ATP1B1: variants seen among roughly 807,000 people sequenced by gnomAD.
ATP1B1 encodes sodium/potassium-transporting ATPase subunit beta-1.
A neutral mutation model predicts 39.6 loss-of-function variants in ATP1B1; 3 were observed. That is an observed-to-expected ratio of 0.08 (90% confidence interval 0.03 to 0.20). The LOEUF (loss-of-function observed/expected upper bound fraction) is 0.20. Among genes scored for constraint, ATP1B1 ranks in the 10% least tolerant of loss-of-function variants. ATP1B1 has a pLI of 1.00. For missense variants in ATP1B1, 216 were observed against 371.1 expected (o/e 0.58, Z 3.43); for synonymous variants, 139 against 135.0 (o/e 1.03, Z -0.20).
chr1:169,112,846 G>A (rs1460147352), intron 2 of ATP1B1, among the ~76,000 whole-genome samples: 1 of 152,158 alleles, frequency 6.6e-6, no homozygotes, highest in African/African-American at 2.4e-5. Flanking sequence ...CACAAGAGGT[G>A]GGTCTGTGGA....
At chr1:169,115,426 G>A (rs1657822873) in intron 2 of ATP1B1, among the ~76,000 whole-genome samples, 1 of 147,818 alleles carries the variant, frequency 6.8e-6, no homozygotes, top group African/African-American at 2.5e-5. Flanking sequence ...TTGGCTCACT[G>A]CAACCTCTGC....
intron 2 of ATP1B1, among the ~76,000 whole-genome samples, chr1:169,115,252 A>G (rs537349514): frequency 6.6e-6 from 1 of 151,840 alleles, no homozygotes; most frequent in Admixed American, 6.6e-5. Flanking sequence ...AAATGAGATG[A>G]TAAACATATA....
At position 169,132,424 on chromosome 1, in the gene ATP1B1, A is replaced by AATGT; in HGVS notation, c.*870_*873dup. On this transcript the variant is annotated 3_prime_UTR_variant, in exon 6 of 6. Coordinates refer to ENST00000367815, the MANE Select transcript of ATP1B1 (RefSeq NM_001677.4). ...CACATGCTGGTGCTGTGTCTTTATG[A>AATGT]ATGTTTTAACCATTTTCATGGTGGA... The AATGT allele has an allele frequency of 2.3e-6, 1 of 436,964 alleles. No homozygotes were observed. The highest frequency in any genetic ancestry group is 4.1e-6 in the Non-Finnish European group (1 of 244,564). The allele number at this position is 436,964 out of a possible 1,614,324, so 27.1% of individuals were successfully genotyped here. A position where few individuals can be genotyped will look rare whatever the true frequency, so the allele number is the denominator to read the frequency against.
chr1:169,128,536 T>C lies in ATP1B1; in HGVS notation c.567+1128T>C, dbSNP rs138015760. 8.3e-4 allele frequency among the ~76,000 whole-genome samples: 127 copies of C among 152,286 alleles called. 1 individual carries two copies. The highest frequency in any genetic ancestry group is 1.4e-3 in the Non-Finnish European group (92 of 68,022). On this transcript the variant is annotated intron_variant, in intron 4 of 5. Transcript: ENST00000367815. ...TAGTTTGATGGACTGCTGGCAGAAATTAATGTACCTCTCAAAAGGATTTTA... is the reference window on the plus strand; with the variant it reads ...TAGTTTGATGGACTGCTGGCAGAAACTAATGTACCTCTCAAAAGGATTTTA...
In ATP1B1 at chr1:169,131,344, A is replaced by C; in HGVS notation, c.701A>C (p.Asn234Thr). 6.2e-7 allele frequency: 1 copy of C among 1,613,890 alleles called. No homozygotes were observed. The highest frequency in any genetic ancestry group is 8.5e-7 in the Non-Finnish European group (1 of 1,179,992). The change falls in exon 6 of 6, where the codon AAC becomes ACC. Residue 234 changes from asparagine (N) to threonine (T), a missense_variant. By Grantham distance (65) the Asn-to-Thr change is moderately conservative. Transcript: ENST00000367815. The surrounding 1 kb of genome is among the most constrained non-coding windows in gnomAD (Gnocchi z 4.4). ...AATGTGGAGTATTTTGGACTGGGCA[A>C]CTCCCCTGGTTTTCCTCTGCAGTAT... The part of the protein sequence containing the change: ...VGNVEYFGLG[N>T]SPGFPLQYYP...
intron 2 of ATP1B1, among the ~76,000 whole-genome samples, chr1:169,121,287 G>C (rs1488076172): frequency 1.3e-5 from 2 of 152,154 alleles, no homozygotes; most frequent in Non-Finnish European, 2.9e-5. Context: ...TTACAAGAAA[G>C]ATTTGTCATA....
chr1:169,109,908 C>T (rs189201195), intron 1 of ATP1B1, among the ~76,000 whole-genome samples: 4 of 152,168 alleles, frequency 2.6e-5, no homozygotes, highest in African/African-American at 9.6e-5. Context: ...ACAGCGTTGC[C>T]ATTTGCCTAC....
At chr1:169,116,684 C>T (rs916268237) in intron 2 of ATP1B1, among the ~76,000 whole-genome samples, 2 of 152,094 alleles carry the variant, frequency 1.3e-5, no homozygotes, top group African/African-American at 2.4e-5. Context: ...AACCCCATCT[C>T]TACTAAAAAT....
At chr1:169,128,576 T>C (rs1432670591) in intron 4 of ATP1B1, among the ~76,000 whole-genome samples, 1 of 152,166 alleles carries the variant, frequency 6.6e-6, no homozygotes, top group Admixed American at 6.5e-5. Flanking sequence ...TCTTTCCACA[T>C]AGACAGGATA....
chr1:169,120,834 A>G (rs1011856207), intron 2 of ATP1B1, among the ~76,000 whole-genome samples: 5 of 152,174 alleles, frequency 3.3e-5, no homozygotes, highest in East Asian at 1.9e-4. Flanking sequence ...CATGAGGCCA[A>G]TTGTGTATAT....
At chr1:169,118,871 T>G (rs1009594793) in intron 2 of ATP1B1, among the ~76,000 whole-genome samples, 1 of 152,204 alleles carries the variant, frequency 6.6e-6, no homozygotes, top group African/African-American at 2.4e-5. Context: ...ATGATTCCTA[T>G]TTAGAGATTT....
chr1:169,123,538 A>T (rs186169021), intron 2 of ATP1B1, among the ~76,000 whole-genome samples: 1 of 151,802 alleles, frequency 6.6e-6, no homozygotes, highest in Admixed American at 6.6e-5. Context: ...ATAAAAATAC[A>T]GGGTGCCCAC....
At chr1:169,127,697 A>G (rs1171386323) in intron 4 of ATP1B1, among the ~76,000 whole-genome samples, 1 of 152,166 alleles carries the variant, frequency 6.6e-6, no homozygotes, top group African/African-American at 2.4e-5. Context: ...AACAGTTTCT[A>G]TAACATAAAC....
At position 169,114,016 on chromosome 1, in the gene ATP1B1, A is replaced by C. The variant is rs141417479; in HGVS notation, c.226+2518A>C. 4.1e-3 allele frequency among the ~76,000 whole-genome samples: 617 copies of C among 152,184 alleles called. 16 individuals are homozygous for C. In the East Asian group the frequency reaches 0.068, roughly 17 times the overall value. On this transcript the variant is annotated intron_variant, in intron 2 of 5. Transcript: ENST00000367815. ...ATGACATTCATATGAAAATGACAGT[A>C]ACCTTGATCAGGCCAGGCCAGCAGA...
chr1:169,130,051 G>C lies in ATP1B1; in HGVS notation c.609G>C (p.Lys203Asn). Residue 203 changes from lysine (K) to asparagine (N), a missense_variant, in exon 5 of 6, where the codon AAG becomes AAC. Lys to Asn is a moderately conservative substitution (Grantham distance 94). Coordinates refer to ENST00000367815, the MANE Select transcript of ATP1B1 (RefSeq NM_001677.4). ...CCTTGGAGACTTACCCAGTGATGAA[G>C]TATAACCCAAATGTCCTTCCCGTTC... ...NESLETYPVM[K>N]YNPNVLPVQC... 6.2e-7 allele frequency: 1 copy of C among 1,614,074 alleles called. No homozygotes were observed. The highest frequency in any genetic ancestry group is 1.1e-5 in the South Asian group (1 of 91,068).
chr1:169,131,453 T>C lies in ATP1B1; in HGVS notation c.810T>C (p.Thr270=). ...AGTTCACCAATCTTACCATGGACAC[T>C]GAAATTCGCATAGAGTGTAAGGCGT... is the stretch of plus-strand genomic sequence containing the variant. ...AVQFTNLTMD[T]EIRIECKAYG... The change falls in exon 6 of 6, where the codon ACT becomes ACC. Residue 270 remains threonine, a synonymous_variant. Transcript: ENST00000367815. The surrounding 1 kb of genome is among the most constrained non-coding windows in gnomAD (Gnocchi z 4.4). 2.5e-6 allele frequency: 4 copies of C among 1,614,174 alleles called. No homozygotes were observed. The East Asian group carries it at 6.7e-5, about 27-fold the overall frequency.
At chr1:169,122,428 T>C (rs928973516) in intron 2 of ATP1B1, among the ~76,000 whole-genome samples, 2 of 152,328 alleles carry the variant, frequency 1.3e-5, no homozygotes, top group East Asian at 3.9e-4. Flanking sequence ...ATTAACTATC[T>C]GTGGAAGCTT....
At chr1:169,121,816 A>AG (rs1657985677) in intron 2 of ATP1B1, among the ~76,000 whole-genome samples, 3 of 152,182 alleles carry the variant, frequency 2.0e-5, no homozygotes, top group African/African-American at 7.2e-5. Context: ...AGGCTTGTTT[A>AG]TATTTTGGCT....
chr1:169,107,294 A>T (rs1657616915), intron 1 of ATP1B1, among the ~76,000 whole-genome samples: 1 of 152,202 alleles, frequency 6.6e-6, no homozygotes, highest in African/African-American at 2.4e-5. Flanking sequence ...CCTTAAAAAA[A>T]AAATGAGATC....
Sources: allele counts gnomAD v4.1 joint callset (sites outside exome capture counted in the v4.1 genomes callset), GRCh38; gene constraint gnomAD v4.1.1; non-coding constraint Gnocchi (gnomAD v3.1); transcripts MANE v1.5; gene names NCBI Gene and HGNC (gene_info 2026-07-23, HGNC 2026-07-21).